The following MBD5 variants were observed in gnomAD, a reference collection of about 807,000 sequenced individuals.
MBD5 encodes the protein methyl-CpG-binding domain protein 5.
MBD5 carries 13 observed loss-of-function variants against 117.3 expected under a neutral mutation model. The ratio of observed to expected loss-of-function variants is 0.11; its 90% CI spans 0.07 to 0.18. The LOEUF is 0.18. Ranked by LOEUF, MBD5 falls within the 10% of genes least tolerant of loss-of-function variation. The pLI is 1.00. For missense variants in MBD5, 1,879 were observed against 2,093.8 expected, an observed-to-expected ratio of 0.90 and a Z score of 2.00; for synonymous variants, 727 against 766.4, an observed-to-expected ratio of 0.95 and a Z score of 0.85.
chr2:148,500,356 T>G (rs1434860763), intron 11 of MBD5, among the ~76,000 whole-genome samples: 1 of 151,994 alleles, frequency 6.6e-6, no homozygotes, highest in Non-Finnish European at 1.5e-5. Flanking sequence ...GTTGGTATGG[T>G]GGAGAGAAGT....
At chr2:148,431,264 C>G (rs1275301100) in intron 4 of MBD5, among the ~76,000 whole-genome samples, 2 of 152,022 alleles carry the variant, frequency 1.3e-5, no homozygotes, top group African/African-American at 4.8e-5. Flanking sequence ...CATCAGTTTA[C>G]AAAATATTTT....
At chr2:148,356,201 C>T (rs911410212) in intron 4 of MBD5, among the ~76,000 whole-genome samples, 1 of 152,100 alleles carries the variant, frequency 6.6e-6, no homozygotes, top group African/African-American at 2.4e-5. Context: ...GGTGTTCCCT[C>T]TACCTGCAAC....
chr2:148,387,682 GCTA>G (rs1183578158), intron 4 of MBD5, among the ~76,000 whole-genome samples: 1 of 152,022 alleles, frequency 6.6e-6, no homozygotes, highest in African/African-American at 2.4e-5. Flanking sequence ...GGAGAATTTA[GCTA>G]CTATTTATTT....
intron 3 of MBD5, among the ~76,000 whole-genome samples, chr2:148,334,453 C>A (rs1474032244): frequency 6.6e-6 from 1 of 151,816 alleles, no homozygotes; most frequent in Non-Finnish European, 1.5e-5. Flanking sequence ...CTGCCTTAGT[C>A]CCCCAAGCAG....
chr2:148,263,906 A>G (rs183017607), intron 3 of MBD5, among the ~76,000 whole-genome samples: 103 of 152,280 alleles, frequency 6.8e-4, no homozygotes, highest in Non-Finnish European at 1.4e-3. Flanking sequence ...TTGGCTGTAT[A>G]TGGGTTACTT....
chr2:148,286,461 A>C (rs1272752048), intron 3 of MBD5, among the ~76,000 whole-genome samples: 1 of 152,072 alleles, frequency 6.6e-6, no homozygotes, highest in African/African-American at 2.4e-5. Context: ...GACTTTGCAG[A>C]CCTCTGTTTA....
chr2:148,201,486 C>T lies in MBD5; in HGVS notation c.-831+22693C>T, dbSNP rs73009288. On this transcript the variant is annotated intron_variant, in intron 2 of 13. Coordinates refer to ENST00000642680, the MANE Select transcript of MBD5 (RefSeq NM_001378120.1). Reference sequence around the variant, plus strand: ...AGGCGCCTTAACAACTCTGTCAGCCCGGTTGCCCTGCTCTAGCCTGCACCT... The same window carrying T: ...AGGCGCCTTAACAACTCTGTCAGCCTGGTTGCCCTGCTCTAGCCTGCACCT... Among the ~76,000 whole-genome samples the T allele has an allele frequency of 7.4e-3, 1,124 of 152,280 alleles. 9 individuals carry two copies. The highest frequency in any genetic ancestry group is 0.025 in the African/African-American group (1,022 of 41,546).
At chr2:148,500,234 G>T (rs565825494) in intron 11 of MBD5, among the ~76,000 whole-genome samples, 1 of 151,864 alleles carries the variant, frequency 6.6e-6, no homozygotes, top group African/African-American at 2.4e-5. Context: ...TAAATAGTTT[G>T]ACCTAAATTT....
At chr2:148,120,198 G>A (rs552299329) in intron 1 of MBD5, among the ~76,000 whole-genome samples, 2 of 152,198 alleles carry the variant, frequency 1.3e-5, no homozygotes, top group East Asian at 1.9e-4. Context: ...ACAGTACTCC[G>A]CACCTGGAGT....
chr2:148,055,372 C>A (rs910587383), intron 1 of MBD5: 4 of 150,834 alleles, frequency 2.7e-5, no homozygotes, highest in Non-Finnish European at 5.9e-5. Context: ...ATTATTTTTG[C>A]CTTCTTTGAT....
At chr2:148,226,714 T>A (rs1297840001) in intron 2 of MBD5, among the ~76,000 whole-genome samples, 3 of 152,166 alleles carry the variant, frequency 2.0e-5, no homozygotes, top group Non-Finnish European at 4.4e-5. Flanking sequence ...GTTGAACTAG[T>A]TTACAGTCCC....
intron 4 of MBD5, among the ~76,000 whole-genome samples, chr2:148,349,486 T>G (rs1245183790): frequency 6.6e-6 from 1 of 151,998 alleles, no homozygotes; most frequent in Non-Finnish European, 1.5e-5. Flanking sequence ...ATTCCCCCCT[T>G]TACTATTTAT....
chr2:148,031,734 T>A (rs1232696690), intron 1 of MBD5, among the ~76,000 whole-genome samples: 1 of 152,096 alleles, frequency 6.6e-6, no homozygotes, highest in African/African-American at 2.4e-5. Flanking sequence ...GAGTCTGAAG[T>A]GTTTTCTGAA....
chr2:148,441,115 T>A (rs1706308124), intron 4 of MBD5, among the ~76,000 whole-genome samples: 1 of 152,100 alleles, frequency 6.6e-6, no homozygotes, highest in Non-Finnish European at 1.5e-5. Flanking sequence ...TTTTTTTTTA[T>A]TTATTATACT....
chr2:148,231,425 G>A (rs758985859), intron 2 of MBD5, among the ~76,000 whole-genome samples: 4 of 152,142 alleles, frequency 2.6e-5, no homozygotes, highest in African/African-American at 7.2e-5. Flanking sequence ...CTGCTGCTGC[G>A]GGAGAGGTGG....
At chr2:148,367,391 C>G (rs1157660458) in intron 4 of MBD5, among the ~76,000 whole-genome samples, 1 of 152,184 alleles carries the variant, frequency 6.6e-6, no homozygotes, top group African/African-American at 2.4e-5. Flanking sequence ...AAAACCTAGG[C>G]AATACCATTC....
intron 3 of MBD5, among the ~76,000 whole-genome samples, chr2:148,243,349 A>G (rs902840721): frequency 1.3e-5 from 2 of 152,102 alleles, no homozygotes; most frequent in Non-Finnish European, 2.9e-5. Flanking sequence ...TACTTTTTAA[A>G]ATGGAATCTT....
chr2:148,195,297 A>C (rs895378856), intron 2 of MBD5, among the ~76,000 whole-genome samples: 8 of 152,194 alleles, frequency 5.3e-5, no homozygotes, highest in African/African-American at 1.9e-4. Flanking sequence ...ATGTCTGGAC[A>C]AGTGTTTTAA....
chr2:148,357,035 A>G (rs1703398691), intron 4 of MBD5, among the ~76,000 whole-genome samples: 1 of 152,194 alleles, frequency 6.6e-6, no homozygotes, highest in Non-Finnish European at 1.5e-5. Flanking sequence ...AGGTTCTAAC[A>G]TTAGAAGATG....
Sources: allele counts gnomAD v4.1 joint callset (sites outside exome capture counted in the v4.1 genomes callset), GRCh38; gene constraint gnomAD v4.1.1; transcripts MANE v1.5; gene names NCBI Gene and HGNC (gene_info 2026-07-23, HGNC 2026-07-21).